FSTL4: variants seen among roughly 807,000 people sequenced by gnomAD.
FSTL4 encodes the protein follistatin-related protein 4.
FSTL4 carries 28 observed loss-of-function variants against 78.2 expected under a neutral mutation model. The ratio of observed to expected loss-of-function variants is 0.36; its 90% CI spans 0.27 to 0.49. The LOEUF (loss-of-function observed/expected upper bound fraction) is 0.49, where lower values mean the gene tolerates loss of function less well. Ranked by LOEUF, FSTL4 falls within the 20% of genes least tolerant of loss-of-function variation. FSTL4 has a pLI of 0.98. For synonymous variants in FSTL4, 422 were observed against 440.5 expected, an observed-to-expected ratio of 0.96 and a Z score of 0.53; for missense variants, 922 against 1,084.9, an observed-to-expected ratio of 0.85 and a Z score of 2.11.
Position 133,199,675 on chromosome 5 carries a change from G to T in FSTL4, c.1949C>A (p.Thr650Asn). Residue 650 changes from threonine (T) to asparagine (N), a missense_variant, in exon 16 of 16, where the codon ACC (threonine) becomes AAC (asparagine). Transcript: ENST00000265342. This position sits in a 1 kb window ranked among gnomAD's most constrained non-coding sequence, Gnocchi z 4.4. ...HGCVPQAMAH[T>N]HLGGYFFIQC... The stretch of plus-strand genomic sequence containing the variant: ...GATGAAGAAGTAGCCGCCCAGGTGG[G>T]TGTGTGCCATGGCCTGGGGCACGCA... 1 of 1,614,136 alleles carries T rather than the reference G, an allele frequency of 6.2e-7. No homozygotes were observed. The highest frequency in any genetic ancestry group is 8.5e-7 in the Non-Finnish European group (1 of 1,179,992).
chr5:133,502,876 T>C (rs940087145), intron 3 of FSTL4, among the ~76,000 whole-genome samples: 2 of 152,184 alleles, frequency 1.3e-5, no homozygotes, highest in Non-Finnish European at 2.9e-5. Flanking sequence ...GGATCTCAGT[T>C]CTACTCTCAC....
At chr5:133,422,221 G>A (rs767138251) in intron 3 of FSTL4, among the ~76,000 whole-genome samples, 5 of 152,200 alleles carry the variant, frequency 3.3e-5, no homozygotes, top group Admixed American at 6.5e-5. Flanking sequence ...AGCTCTGGCT[G>A]TGTCCTAAGT....
chr5:133,582,668 G>A (rs1760446869), intron 2 of FSTL4, among the ~76,000 whole-genome samples: 1 of 152,172 alleles, frequency 6.6e-6, no homozygotes, highest in Admixed American at 6.5e-5. Context: ...TGTCAACACT[G>A]CTCCCTCACA....
chr5:133,396,446 G>T (rs1199013261), intron 4 of FSTL4, among the ~76,000 whole-genome samples: 1 of 152,140 alleles, frequency 6.6e-6, no homozygotes, highest in Non-Finnish European at 1.5e-5. Context: ...ACAGGCCCCA[G>T]CACCTCTTGC....
At chr5:133,736,401 C>G in the FSTL4 span, among the ~76,000 whole-genome samples, 1 of 152,188 alleles carries the variant, frequency 6.6e-6, no homozygotes. Flanking sequence ...TGCAATTCCC[C>G]TAACTTTTCC....
At chr5:133,315,153 C>T (rs1753874162) in intron 5 of FSTL4, among the ~76,000 whole-genome samples, 1 of 152,132 alleles carries the variant, frequency 6.6e-6, no homozygotes. Flanking sequence ...CAGAGCGAGA[C>T]CATGTCTAAA....
chr5:133,676,252 G>A, the FSTL4 span, among the ~76,000 whole-genome samples: 2 of 152,162 alleles, frequency 1.3e-5, no homozygotes, highest in Non-Finnish European at 2.9e-5. Context: ...AAAAATAAAC[G>A]AGGTCTACAC....
chr5:133,347,740 T>C (rs1754727486), intron 4 of FSTL4, among the ~76,000 whole-genome samples: 1 of 152,220 alleles, frequency 6.6e-6, no homozygotes, highest in African/African-American at 2.4e-5. Context: ...AATAAGACAA[T>C]GATTAATAAA....
At position 133,441,786 on chromosome 5, in the gene FSTL4, G is replaced by A. The variant is rs755906438; in HGVS notation, c.161-40800C>T. ...CAGCAGGGTCGGCTGACACTGCTCC[G>A]CACATGGTAGCTTCACACAGTAAGT... On this transcript the variant is annotated intron_variant, in intron 3 of 15. Coordinates refer to ENST00000265342, the MANE Select transcript of FSTL4 (RefSeq NM_015082.2). Among the ~76,000 whole-genome samples, 60 of 152,202 alleles carry A rather than the reference G, an allele frequency of 3.9e-4. 1 individual carries two copies. The highest frequency in any genetic ancestry group is 5.9e-5 in the Non-Finnish European group (4 of 68,040).
At chr5:133,550,495 C>T (rs755216766) in intron 3 of FSTL4, among the ~76,000 whole-genome samples, 16 of 152,186 alleles carry the variant, frequency 1.1e-4, no homozygotes, top group Non-Finnish European at 2.1e-4. Context: ...CCAGCCCCAA[C>T]TGTGGGTGAA....
At chr5:133,780,100 G>C in the FSTL4 span, among the ~76,000 whole-genome samples, 4 of 152,174 alleles carry the variant, frequency 2.6e-5, no homozygotes, top group Non-Finnish European at 5.9e-5. Flanking sequence ...TCAGTCATGG[G>C]TCAAGGGCTG....
At chr5:133,208,302 C>T (rs1405064605) in intron 14 of FSTL4, 1 of 152,160 alleles carries the variant, frequency 6.6e-6, no homozygotes, top group African/African-American at 2.4e-5. Flanking sequence ...ACCCTTGGAG[C>T]GTGTAGATGG....
At chr5:133,709,162 T>C in the FSTL4 span, among the ~76,000 whole-genome samples, 1 of 152,224 alleles carries the variant, frequency 6.6e-6, no homozygotes. Context: ...CTCTTCAGAT[T>C]ACAGACCACC....
At chr5:133,723,926 G>A in the FSTL4 span, among the ~76,000 whole-genome samples, 1 of 152,190 alleles carries the variant, frequency 6.6e-6, no homozygotes, top group Non-Finnish European at 1.5e-5. Flanking sequence ...CTAGGGGTTA[G>A]GGCATAGCAG....
In FSTL4 at chr5:133,600,906, C is replaced by G. The variant is rs529004158; in HGVS notation, c.126+2952G>C. On this transcript the variant is annotated intron_variant, in intron 2 of 15. Transcript: ENST00000265342. ...CACTTATTTAGAGTCTCAGGAAACT[C>G]TGCTGGTTTTGATTCTTCCAGGAAA... 3.9e-5 allele frequency among the ~76,000 whole-genome samples: 6 copies of G among 152,310 alleles called. No individual in the cohort carries two copies. The East Asian group carries it at 9.6e-4, about 24-fold the overall frequency.
At position 133,273,840 on chromosome 5, in the gene FSTL4, C is replaced by T. The variant is rs149280059; in HGVS notation, c.728-24264G>A. ...GGTCCATATCCGCCTCTCACTCCAC[C>T]GTCCTTCCCCCAAGCATGAGTCAGG... On this transcript the variant is annotated intron_variant, in intron 6 of 15. Coordinates refer to ENST00000265342, the MANE Select transcript of FSTL4 (RefSeq NM_015082.2). Among the ~76,000 whole-genome samples the T allele has an allele frequency of 9.2e-3, 1,402 of 152,190 alleles. 73 individuals are homozygous for T. The highest frequency in any genetic ancestry group is 0.085 in the Admixed American group (1,290 of 15,264).
At chr5:133,827,066 C>T in the FSTL4 span, among the ~76,000 whole-genome samples, 9 of 152,214 alleles carry the variant, frequency 5.9e-5, no homozygotes, top group East Asian at 1.9e-4. Flanking sequence ...TCCGTAAAGA[C>T]GGCCTGCAGA....
At chr5:133,746,208 A>G in the FSTL4 span, among the ~76,000 whole-genome samples, 1 of 152,210 alleles carries the variant, frequency 6.6e-6, no homozygotes, top group Non-Finnish European at 1.5e-5. Context: ...AAGATTTGAG[A>G]TCTGCAAATC....
chr5:133,666,893 T>C, the FSTL4 span, among the ~76,000 whole-genome samples: 1 of 152,234 alleles, frequency 6.6e-6, no homozygotes, highest in Non-Finnish European at 1.5e-5. Flanking sequence ...TAAAGGATCA[T>C]TATTTCCCTG....
Sources: gnomAD v4.1 joint callset for allele counts (sites outside exome capture counted in the v4.1 genomes callset) on GRCh38, gnomAD v4.1.1 for gene constraint, Gnocchi (gnomAD v3.1) non-coding constraint, MANE v1.5 for transcripts, NCBI Gene and HGNC (gene_info 2026-07-23, HGNC 2026-07-21) for gene names.